The following QSER1 variants were observed in gnomAD, a reference collection of about 807,000 sequenced individuals.
QSER1 encodes the protein glutamine and serine-rich protein 1.
QSER1 carries 49 observed loss-of-function variants against 158.5 expected under a neutral mutation model. The ratio of observed to expected loss-of-function variants is 0.31; its 90% confidence interval spans 0.25 to 0.39. QSER1 has a LOEUF of 0.39. Among genes scored for constraint, QSER1 ranks in the 10% least tolerant of loss-of-function variants. The pLI, the probability that QSER1 is intolerant of heterozygous loss-of-function variation, is 1.00. For missense variants in QSER1, 1,754 were observed against 2,010.3 expected, an observed-to-expected ratio of 0.87 and a Z score of 2.44; for synonymous variants, 650 against 715.5, an observed-to-expected ratio of 0.91 and a Z score of 1.46.
At chr11:32,906,376 C>G (rs961235885) in intron 1 of QSER1, among the ~76,000 whole-genome samples, 1 of 151,994 alleles carries the variant, frequency 6.6e-6, no homozygotes, top group South Asian at 2.1e-4. Flanking sequence ...GAGCCGAGAT[C>G]GGCGCCACTG....
At chr11:32,912,562 A>C (rs939783742) in intron 1 of QSER1, among the ~76,000 whole-genome samples, 6 of 152,092 alleles carry the variant, frequency 3.9e-5, no homozygotes, top group Non-Finnish European at 8.8e-5. Flanking sequence ...ATCTGGATGT[A>C]TATAGTTTGA....
intron 1 of QSER1, among the ~76,000 whole-genome samples, chr11:32,901,764 C>T (rs887980663): frequency 6.6e-6 from 1 of 152,174 alleles, no homozygotes; most frequent in Non-Finnish European, 1.5e-5. Context: ...GATGACAGAT[C>T]ATGGAGTTTA....
intron 1 of QSER1, among the ~76,000 whole-genome samples, chr11:32,907,430 TTAA>T (rs1851708866): frequency 1.3e-5 from 2 of 152,244 alleles, no homozygotes; most frequent in African/African-American, 4.8e-5. Context: ...ATAGACTATG[TTAA>T]TAATAATACA....
rs1851520553 is a variant in QSER1, at chr11:32,893,922, T to A, written c.209+588T>A. On this transcript the variant is annotated intron_variant, in intron 1 of 12. Transcript: ENST00000650167. The surrounding 1 kb of genome is among the most constrained non-coding windows in gnomAD (Gnocchi z 4.7). The stretch of plus-strand genomic sequence containing the variant: ...AACGCGGCTCCAGGGCCGGGTGACA[T>A]ATGTTTGCGCTGGTGGCCAAGATTT... Among the ~76,000 whole-genome samples the A allele has an allele frequency of 6.6e-6, 1 of 152,020 alleles. No individual in the cohort carries two copies. Among genetic ancestry groups the A allele is most frequent in the South Asian group, 2.1e-4 (1 of 4,820 alleles).
chr11:32,929,953 T>G (rs1852024279), intron 3 of QSER1, among the ~76,000 whole-genome samples: 1 of 152,240 alleles, frequency 6.6e-6, no homozygotes. Context: ...AACTAGCCTC[T>G]TCCTCATTCT....
In QSER1 at chr11:32,975,478, T is replaced by C; in HGVS notation, c.5454+135T>C. On this transcript the variant is annotated intron_variant, in intron 12 of 12. Coordinates refer to ENST00000650167, the MANE Select transcript of QSER1 (RefSeq NM_001076786.3). ...GTATTTTGTCTATGTATTCTGTAAA[T>C]AATGACTTGATTTATTGTTCTGAGT... 2.0e-6 allele frequency: 3 copies of C among 1,508,438 alleles called. No individual in the cohort carries two copies. The South Asian group carries it at 3.6e-5, about 18-fold the overall frequency. 93.4% of individuals were successfully genotyped at this position (1,508,438 alleles called of 1,614,324 possible).
At position 32,893,859 on chromosome 11, in the gene QSER1, C is replaced by T. The variant is rs1475430745; in HGVS notation, c.209+525C>T. Among the ~76,000 whole-genome samples the T allele has an allele frequency of 2.6e-5, 4 of 152,152 alleles. No homozygotes were observed. The highest frequency in any genetic ancestry group is 5.9e-5 in the Non-Finnish European group (4 of 68,024). On this transcript the variant is annotated intron_variant, in intron 1 of 12. Transcript: ENST00000650167. This position sits in a 1 kb window ranked among gnomAD's most constrained non-coding sequence, Gnocchi z 4.7. ...GAGGGCTGGGCTACGGGAGAATCCC[C>T]GGGGCGCAGGGCAGAAGAGGGGGCC...
chr11:32,953,107 T>C (rs909788838), intron 4 of QSER1, among the ~76,000 whole-genome samples: 3 of 152,052 alleles, frequency 2.0e-5, no homozygotes, highest in African/African-American at 7.2e-5. Context: ...GGCCCCAATC[T>C]TTTTTAGTAT....
intron 3 of QSER1, 107 bp from the exon 4 acceptor site, chr11:32,931,636 A>G: frequency 1.2e-6 from 1 of 835,482 alleles, no homozygotes; most frequent in Non-Finnish European, 1.8e-6. Context: ...CAGGTTTTTC[A>G]GTCTTAAGAC....
At chr11:32,947,300 A>G (rs1852352940) in intron 4 of QSER1, among the ~76,000 whole-genome samples, 1 of 152,190 alleles carries the variant, frequency 6.6e-6, no homozygotes, top group Non-Finnish European at 1.5e-5. Context: ...TGTTCAGGGA[A>G]TATGTTCACA....
chr11:32,943,246 C>A (rs1852270965), intron 4 of QSER1, among the ~76,000 whole-genome samples: 1 of 151,110 alleles, frequency 6.6e-6, no homozygotes, highest in Non-Finnish European at 1.5e-5. Flanking sequence ...GCCTAATTGC[C>A]CTGGCCAGAA....
Position 32,935,195 on chromosome 11 carries a change from G to A in QSER1, c.3937G>A (p.Val1313Ile), listed in dbSNP as rs1369087957. 1.9e-6 allele frequency: 3 copies of A among 1,613,892 alleles called. No homozygotes were observed. The South Asian group carries it at 3.3e-5, about 18-fold the overall frequency. Residue 1313 changes from valine (V) to isoleucine (I), a missense_variant, in exon 4 of 13, where the codon GTT becomes ATT. Physicochemically the swap from Val to Ile is conservative, Grantham distance 29. This residue lies in a region of QSER1 where 1,707 missense variants were observed against 1,919.6 expected (regional missense o/e 0.89). Coordinates refer to ENST00000650167, the MANE Select transcript of QSER1 (RefSeq NM_001076786.3). ...GACTAGACGGCCAGGGACCCAGATG[G>A]TTCGTACATTTTGTCCCCCACCACT... ...NRTRRPGTQM[V>I]RTFCPPPLPK...
At chr11:32,944,497 A>G (rs942446467) in intron 4 of QSER1, among the ~76,000 whole-genome samples, 56 of 151,968 alleles carry the variant, frequency 3.7e-4, no homozygotes, top group African/African-American at 1.3e-3. Context: ...TTATGTACCC[A>G]GTAGTCATTC....
intron 9 of QSER1, 85 bp downstream of exon 9, chr11:32,966,522 G>T: frequency 3.1e-6 from 4 of 1,288,748 alleles, no homozygotes; most frequent in Admixed American, 2.2e-5. Flanking sequence ...ATGTTTATAT[G>T]TGACTTGTGT....
intron 4 of QSER1, among the ~76,000 whole-genome samples, chr11:32,939,391 A>T (rs73474600): frequency 6.6e-5 from 10 of 152,160 alleles, no homozygotes; most frequent in South Asian, 2.1e-4. Flanking sequence ...CTCCTTGAAG[A>T]TCTTTTAAAA....
At position 32,933,510 on chromosome 11, in the gene QSER1, T is replaced by C. The variant is rs1037048772; in HGVS notation, c.2252T>C (p.Ile751Thr). The change falls in exon 4 of 13, where the codon ATT (isoleucine) becomes ACT (threonine). Residue 751 changes from isoleucine to threonine, a missense_variant. By Grantham distance (89) the Ile-to-Thr change is moderately conservative. Around this residue, in one of 2 missense-constraint regions of QSER1, gnomAD observed 1,707 missense variants for 1,919.6 expected, o/e 0.89. Coordinates refer to ENST00000650167, the MANE Select transcript of QSER1 (RefSeq NM_001076786.3). ...RSNSRLEDQVIGVALQASKKE... is the reference protein window; with the variant it reads ...RSNSRLEDQVTGVALQASKKE... The stretch of plus-strand genomic sequence containing the variant: ...AATTCCCGTCTTGAAGATCAAGTTA[T>C]TGGGGTTGCTCTGCAAGCATCAAAA... 11 of 1,612,320 alleles carry C rather than the reference T, an allele frequency of 6.8e-6. No individual in the cohort carries two copies. In the African/African-American group the frequency reaches 1.1e-4, roughly 16 times the overall value.
At chr11:32,970,444 G>T (rs535599576) in intron 10 of QSER1, among the ~76,000 whole-genome samples, 1 of 151,994 alleles carries the variant, frequency 6.6e-6, no homozygotes, top group African/African-American at 2.4e-5. Flanking sequence ...TTGTTCTTTC[G>T]CCGAGGCTGG....
At chr11:32,929,643 CATATAA>C (rs1196964764) in intron 3 of QSER1, among the ~76,000 whole-genome samples, 1 of 152,050 alleles carries the variant, frequency 6.6e-6, no homozygotes, top group African/African-American at 2.4e-5. Context: ...ACATACACAA[CATATAA>C]ATACACCATT....
At chr11:32,917,821 C>CAAAAAAAA (rs371007117) in intron 1 of QSER1, among the ~76,000 whole-genome samples, 1 of 80,818 alleles carries the variant, frequency 1.2e-5, no homozygotes. Flanking sequence ...GACTCTGTCT[C>CAAAAAAAA]AAAAAAAAAA....
Sources: gnomAD v4.1 joint callset for allele counts (sites outside exome capture counted in the v4.1 genomes callset) on GRCh38, gnomAD v4.1.1 for gene constraint, gnomAD v4.1.1 regional missense constraint, Gnocchi (gnomAD v3.1) non-coding constraint, MANE v1.5 for transcripts, NCBI Gene and HGNC (gene_info 2026-07-23, HGNC 2026-07-21) for gene names.